Variants in PIGU observed in about 807,000 individuals in gnomAD.
The protein encoded by PIGU is GPI-anchor transamidase component PIGU.
A neutral mutation model predicts 49.9 loss-of-function variants in PIGU; 24 were observed. The ratio of observed to expected loss-of-function variants is 0.48; its 90% CI spans 0.35 to 0.68. The LOEUF (loss-of-function observed/expected upper bound fraction) is 0.68. Among genes scored for constraint, PIGU ranks in the 30% least tolerant of loss-of-function variants. The probability of loss-of-function intolerance (pLI) is 0.01; values close to 1 mark genes in which losing one functional copy is unlikely to be tolerated. For synonymous variants in PIGU, 220 were observed against 205.7 expected (o/e 1.07, Z -0.59); for missense variants, 490 against 532.6 (o/e 0.92, Z 0.79).
intron 7 of PIGU, among the ~76,000 whole-genome samples, chr20:34,606,981 G>A (rs1184155198): frequency 6.6e-6 from 1 of 152,152 alleles, no homozygotes; most frequent in African/African-American, 2.4e-5. Context: ...GGCTAGTCTT[G>A]AACAACTGAC....
chr20:34,663,617 G>A (rs189675881), intron 1 of PIGU, among the ~76,000 whole-genome samples: 18 of 152,202 alleles, frequency 1.2e-4, no homozygotes, highest in African/African-American at 4.3e-4. Context: ...TATAATTCAT[G>A]GTGGCCATAA....
At chr20:34,588,238 C>T (rs1017592912) in intron 8 of PIGU, among the ~76,000 whole-genome samples, 5 of 151,652 alleles carry the variant, frequency 3.3e-5, no homozygotes, top group Admixed American at 6.6e-5. Flanking sequence ...GGCAACAGAG[C>T]GACACCCTGT....
At chr20:34,584,634 C>T (rs934918369) in intron 9 of PIGU, among the ~76,000 whole-genome samples, 2 of 150,234 alleles carry the variant, frequency 1.3e-5, no homozygotes, top group African/African-American at 4.9e-5. Context: ...CTCAGCCTCC[C>T]AAGCAGCTGG....
At chr20:34,593,595 C>T (rs912735100) in intron 7 of PIGU, among the ~76,000 whole-genome samples, 5 of 152,156 alleles carry the variant, frequency 3.3e-5, no homozygotes, top group African/African-American at 1.2e-4. Context: ...TAGTATATGA[C>T]AGTGGTGGCA....
At chr20:34,646,479 G>A (rs911203129) in intron 2 of PIGU, among the ~76,000 whole-genome samples, 1 of 152,124 alleles carries the variant, frequency 6.6e-6, no homozygotes, top group African/African-American at 2.4e-5. Context: ...TACGATCTTG[G>A]CTCAGAGCAA....
At chr20:34,573,395 A>G (rs764574737) in intron 11 of PIGU, among the ~76,000 whole-genome samples, 4 of 152,142 alleles carry the variant, frequency 2.6e-5, no homozygotes, top group African/African-American at 7.2e-5. Context: ...ATGGCACCTG[A>G]CCACTTGCAG....
intron 9 of PIGU, 102 bp downstream of exon 9, chr20:34,585,335 A>G (rs1160392404): frequency 1.1e-5 from 15 of 1,371,382 alleles, no homozygotes; most frequent in Non-Finnish European, 1.5e-5. Flanking sequence ...TCTAAACCTG[A>G]CAGCAGGTGC....
Position 34,560,604 on chromosome 20 carries a change from C to T in PIGU, c.*262G>A, listed in dbSNP as rs1284926400. ...AATCTAACAAGCCCTGCTCACCTGC[C>T]TCTTCTCCTTCCTGTCTGGGAGGGG... On this transcript the variant is annotated 3_prime_UTR_variant, in exon 12 of 12. Transcript: ENST00000217446. 1 of 439,216 alleles carries T rather than the reference C, an allele frequency of 2.3e-6. No individual in the cohort carries two copies. The highest frequency in any genetic ancestry group is 2.0e-5 in the African/African-American group (1 of 48,918). 27.2% of individuals were successfully genotyped at this position (439,216 alleles called of 1,614,324 possible).
intron 7 of PIGU, among the ~76,000 whole-genome samples, chr20:34,592,437 GA>G (rs11475377): frequency 0.53 from 64,213 of 120,332 alleles, 14,628 homozygotes; most frequent in Non-Finnish European, 0.58. Flanking sequence ...GAATAATTAA[GA>G]AAAAAAAAAA....
intron 4 of PIGU, among the ~76,000 whole-genome samples, chr20:34,642,259 G>A (rs895272549): frequency 5.9e-5 from 9 of 152,050 alleles, no homozygotes; most frequent in African/African-American, 2.2e-4. Context: ...ACTCAGGCGG[G>A]AGTGCAGTGG....
chr20:34,650,700 C>CTTTTTTT lies in PIGU; in HGVS notation c.196-5373_196-5367dup, dbSNP rs59998699. ...AATTTTTTTCCTTTTCTTTTTTTCT[C>CTTTTTTT]TTTTTTTTTTTTTTTTTTTTTTTTT... On this transcript the variant is annotated intron_variant, in intron 2 of 11. Coordinates refer to ENST00000217446, the MANE Select transcript of PIGU (RefSeq NM_080476.5). 2.9e-3 allele frequency among the ~76,000 whole-genome samples: 113 copies of CTTTTTTT among 38,796 alleles called. 24 individuals carry two copies. Among genetic ancestry groups the CTTTTTTT allele is most frequent in the East Asian group, 7.3e-3 (8 of 1,094 alleles). 25.5% of individuals were successfully genotyped at this position (38,796 alleles called of 152,430 possible).
intron 6 of PIGU, among the ~76,000 whole-genome samples, chr20:34,623,798 G>T (rs1381678551): frequency 6.6e-6 from 1 of 152,198 alleles, no homozygotes; most frequent in Non-Finnish European, 1.5e-5. Context: ...TCTTGAGGCT[G>T]CATGATTTGC....
intron 7 of PIGU, among the ~76,000 whole-genome samples, chr20:34,604,780 TA>T (rs1231301036): frequency 1.3e-5 from 2 of 151,324 alleles, no homozygotes; most frequent in African/African-American, 2.4e-5. Flanking sequence ...CCAGAAAGGA[TA>T]AAAAAAAATC....
chr20:34,610,066 C>G (rs1241895301), intron 7 of PIGU, among the ~76,000 whole-genome samples: 2 of 152,142 alleles, frequency 1.3e-5, no homozygotes, highest in African/African-American at 2.4e-5. Context: ...AATTAAACCT[C>G]TTTCCTTTGT....
intron 1 of PIGU, among the ~76,000 whole-genome samples, chr20:34,670,497 A>G (rs550853702): frequency 6.7e-6 from 1 of 149,636 alleles, no homozygotes; most frequent in South Asian, 2.1e-4. Context: ...GCCTGGCCAT[A>G]AAGGCTTTTT....
In PIGU at chr20:34,677,064, C is replaced by T; in HGVS notation, c.22G>A (p.Val8Met). MAAPLVL[V>M]LVVAVTVRAA... ...CGCACTGTCACAGCCACCACCAGCA[C>T]CAGGACCAAGGGAGCCGCCATGATA... The change falls in exon 1 of 12, where the codon GTG (valine) becomes ATG (methionine). Residue 8 changes from valine to methionine, a missense_variant. Physicochemically the swap from Val to Met is conservative, Grantham distance 21. Transcript: ENST00000217446. The T allele has an allele frequency of 6.4e-7, 1 of 1,568,398 alleles. No individual in the cohort carries two copies. Among genetic ancestry groups the T allele is most frequent in the South Asian group, 1.2e-5 (1 of 85,498 alleles).
At chr20:34,571,329 G>A (rs1028570003) in intron 11 of PIGU, among the ~76,000 whole-genome samples, 2 of 152,112 alleles carry the variant, frequency 1.3e-5, no homozygotes, top group African/African-American at 4.8e-5. Context: ...TGGTTTACCT[G>A]CCGGTATAAC....
At chr20:34,602,762 C>T (rs1984474680) in intron 7 of PIGU, among the ~76,000 whole-genome samples, 1 of 152,048 alleles carries the variant, frequency 6.6e-6, no homozygotes, top group African/African-American at 2.4e-5. Context: ...AGGTGAACAT[C>T]CTTATAACCA....
chr20:34,674,490 C>G (rs1323564305), intron 1 of PIGU, among the ~76,000 whole-genome samples: 3 of 152,182 alleles, frequency 2.0e-5, no homozygotes, highest in Non-Finnish European at 2.9e-5. Flanking sequence ...ACCTGTCCAT[C>G]CTGTAAGTAA....
Sources: gnomAD v4.1 joint callset for allele counts (sites outside exome capture counted in the v4.1 genomes callset) on GRCh38, gnomAD v4.1.1 for gene constraint, MANE v1.5 for transcripts, NCBI Gene and HGNC (gene_info 2026-07-23, HGNC 2026-07-21) for gene names.